The following ACER3 variants were observed in gnomAD, a reference collection of about 807,000 sequenced individuals.
The protein encoded by ACER3 is alkCDase 3.
Under a neutral mutation model 48.9 loss-of-function variants are expected in ACER3, and 16 were observed. The observed-to-expected ratio is 0.33, with a 90% CI of 0.22 to 0.50. The LOEUF is 0.50. Ranked by LOEUF, ACER3 falls within the 20% of genes least tolerant of loss-of-function variation. The probability of loss-of-function intolerance (pLI) is 0.98; values close to 1 mark genes in which losing one functional copy is unlikely to be tolerated. For synonymous variants in ACER3, 109 were observed against 107.8 expected (o/e 1.01, Z -0.07); for missense variants, 227 against 326.0 (o/e 0.70, Z 2.34).
At position 77,025,076 on chromosome 11, in the gene ACER3, T is replaced by G. The variant is rs1949530744; in HGVS notation, c.*4749T>G. The G allele has an allele frequency of 6.6e-6, 1 of 152,188 alleles. No individual in the cohort carries two copies. Among genetic ancestry groups the G allele is most frequent in the Non-Finnish European group, 1.5e-5 (1 of 68,030 alleles). 9.4% of individuals were successfully genotyped at this position (152,188 alleles called of 1,614,324 possible). On this transcript the variant is annotated 3_prime_UTR_variant, in exon 11 of 11. Coordinates refer to ENST00000532485, the MANE Select transcript of ACER3 (RefSeq NM_018367.7). ...AATTTAGTCATTGGTAACTTAAATA[T>G]TCACAAAATTGTCATAAAGCTTCTG...
intron 4 of ACER3, chr11:76,978,562 C>T (rs534610633): frequency 4.6e-5 from 7 of 152,406 alleles, no homozygotes; most frequent in African/African-American, 9.6e-5. Context: ...TCCAGTTGTC[C>T]GCATACCTCA....
At chr11:76,989,252 G>T (rs192429269) in intron 5 of ACER3, among the ~76,000 whole-genome samples, 76 of 150,872 alleles carry the variant, frequency 5.0e-4, no homozygotes, top group Non-Finnish European at 6.8e-4. Context: ...AAATAATCTG[G>T]GTTTGGTTTT....
rs148382610 is a variant in ACER3 at position 76,967,701 on chromosome 11, T to C, written c.268-8588T>C. On this transcript the variant is annotated intron_variant, in intron 3 of 10. Coordinates refer to ENST00000532485, the MANE Select transcript of ACER3 (RefSeq NM_018367.7). Reference sequence around the variant, plus strand: ...ACCAAAGACAAAAACCACATGGTTATCACAATAGATGCAGCAAAGGCCTTT... The same window carrying C: ...ACCAAAGACAAAAACCACATGGTTACCACAATAGATGCAGCAAAGGCCTTT... Among the ~76,000 whole-genome samples the C allele has an allele frequency of 2.9e-3, 445 of 152,338 alleles. 5 individuals carry two copies. The highest frequency in any genetic ancestry group is 0.01 in the African/African-American group (425 of 41,574).
chr11:76,998,794 T>C lies in ACER3; in HGVS notation c.470T>C (p.Val157Ala), dbSNP rs1243831854. The change falls in exon 7 of 11, where the codon GTA (valine) becomes GCA (alanine). Residue 157 changes from valine (V) to alanine (A), a missense_variant. Transcript: ENST00000532485. The stretch of plus-strand genomic sequence containing the variant: ...TATGGAATGTTGGTCTTTACATTAG[T>C]ACTTCGATCTATTTATATTGTTACA... ...VMYGMLVFTL[V>A]LRSIYIVTWV... The C allele has an allele frequency of 6.3e-7, 1 of 1,598,218 alleles. No homozygotes were observed. Among genetic ancestry groups the C allele is most frequent in the Non-Finnish European group, 8.5e-7 (1 of 1,174,138 alleles).
chr11:76,947,197 C>A (rs7110532), intron 2 of ACER3, among the ~76,000 whole-genome samples: 114,777 of 152,064 alleles, frequency 0.75, 43,685 homozygotes, highest in African/African-American at 0.81. Flanking sequence ...TTTTCCTTCA[C>A]AGTGCCTGAT....
In ACER3 at chr11:76,989,938, A is replaced by G. The variant is rs12269756; in HGVS notation, c.403-601A>G. On this transcript the variant is annotated intron_variant, in intron 5 of 10. Coordinates refer to ENST00000532485, the MANE Select transcript of ACER3 (RefSeq NM_018367.7). ...GGTTTGTGTAACTGCGAATGCATCT[A>G]GAAGGTGAGTTAGAGATTTCTGGAA... Among the ~76,000 whole-genome samples, 204 of 152,338 alleles carry G rather than the reference A, an allele frequency of 1.3e-3. 2 individuals carry two copies. Among genetic ancestry groups the G allele is most frequent in the African/African-American group, 4.7e-3 (194 of 41,584 alleles).
At position 76,909,948 on chromosome 11, in the gene ACER3, G is replaced by T. The variant is rs558351444; in HGVS notation, c.104-16609G>T. ...TGGAATACTATGCAGCCATAAAAAA[G>T]AATTAGTTCATATCTGTTGCCAGGA... On this transcript the variant is annotated intron_variant, in intron 1 of 10. Coordinates refer to ENST00000532485, the MANE Select transcript of ACER3 (RefSeq NM_018367.7). Among the ~76,000 whole-genome samples, 14 of 152,222 alleles carry T rather than the reference G, an allele frequency of 9.2e-5. No homozygotes were observed. The South Asian group carries it at 2.9e-3, about 32-fold the overall frequency.
chr11:76,895,873 A>G (rs1945916191), intron 1 of ACER3, among the ~76,000 whole-genome samples: 1 of 152,214 alleles, frequency 6.6e-6, no homozygotes, highest in South Asian at 2.1e-4. Flanking sequence ...ATGAAATATG[A>G]TGTGGCCTTA....
At chr11:76,974,605 G>A (rs1282051413) in intron 3 of ACER3, among the ~76,000 whole-genome samples, 1 of 152,162 alleles carries the variant, frequency 6.6e-6, no homozygotes, top group Non-Finnish European at 1.5e-5. Context: ...ATCCAGAAGT[G>A]ATTAAGGTAA....
chr11:76,990,433 G>C (rs2135224025), intron 5 of ACER3, 106 bp from the exon 6 acceptor site: 1 of 824,508 alleles, frequency 1.2e-6, no homozygotes, highest in East Asian at 2.5e-5. Flanking sequence ...GTCTGAGTAA[G>C]ATGGGGGAAG....
chr11:76,890,118 T>G (rs779709604), intron 1 of ACER3, among the ~76,000 whole-genome samples: 1 of 152,172 alleles, frequency 6.6e-6, no homozygotes, highest in African/African-American at 2.4e-5. Flanking sequence ...CCATCTTGGA[T>G]TGTAAAGTCT....
chr11:77,016,110 G>GAA (rs140924381), intron 8 of ACER3, among the ~76,000 whole-genome samples: 2,673 of 126,200 alleles, frequency 0.021, 91 homozygotes, highest in African/African-American at 0.073. Flanking sequence ...CCGTCTCAGG[G>GAA]AAAAAAAAAA....
At chr11:76,906,826 G>A (rs2134701601) in intron 1 of ACER3, among the ~76,000 whole-genome samples, 1 of 152,214 alleles carries the variant, frequency 6.6e-6, no homozygotes, top group East Asian at 1.9e-4. Flanking sequence ...CTCCCAAAGT[G>A]TTGAGATTAT....
intron 1 of ACER3, among the ~76,000 whole-genome samples, chr11:76,912,518 A>G (rs1257697154): frequency 6.6e-6 from 1 of 152,118 alleles, no homozygotes; most frequent in Non-Finnish European, 1.5e-5. Context: ...TACAAATTAT[A>G]ATATATCCAT....
At chr11:76,924,501 G>T (rs1438332779) in intron 1 of ACER3, among the ~76,000 whole-genome samples, 1 of 151,758 alleles carries the variant, frequency 6.6e-6, no homozygotes, top group African/African-American at 2.4e-5. Context: ...ACTGCCCCTG[G>T]CCAGCTATTT....
At chr11:76,952,473 TG>T (rs1370961905) in intron 2 of ACER3, among the ~76,000 whole-genome samples, 1 of 151,968 alleles carries the variant, frequency 6.6e-6, no homozygotes, top group African/African-American at 2.4e-5. Flanking sequence ...TTGGCCAGGC[TG>T]GTCTCGAACT....
intron 2 of ACER3, among the ~76,000 whole-genome samples, chr11:76,929,463 T>A (rs1465472423): frequency 6.6e-6 from 1 of 152,238 alleles, no homozygotes; most frequent in Non-Finnish European, 1.5e-5. Context: ...TTCTTTCTCC[T>A]GCCTGATTGC....
chr11:76,919,834 C>G (rs949570015), intron 1 of ACER3, among the ~76,000 whole-genome samples: 2 of 152,104 alleles, frequency 1.3e-5, no homozygotes, highest in Non-Finnish European at 2.9e-5. Flanking sequence ...AATGTTTATT[C>G]TTAATTTCTT....
At chr11:76,978,248 G>A (rs796358823) in intron 4 of ACER3, among the ~76,000 whole-genome samples, 52 of 152,292 alleles carry the variant, frequency 3.4e-4, no homozygotes, top group African/African-American at 1.1e-3. Context: ...TGTCATTTCC[G>A]GGTGGAGTCT....
Sources: allele counts gnomAD v4.1 joint callset (sites outside exome capture counted in the v4.1 genomes callset), GRCh38; gene constraint gnomAD v4.1.1; transcripts MANE v1.5; gene names NCBI Gene and HGNC (gene_info 2026-07-23, HGNC 2026-07-21).